The following MACROD2 variants were observed in gnomAD, a reference collection of about 807,000 sequenced individuals.
MACROD2 encodes the protein ADP-ribose glycohydrolase MACROD2.
Under a neutral mutation model 70.4 loss-of-function variants are expected in MACROD2, and 36 were observed. That is an observed-to-expected ratio of 0.51 (90% CI 0.39 to 0.68). The LOEUF (loss-of-function observed/expected upper bound fraction) is 0.68, where lower values mean the gene tolerates loss of function less well. Ranked by LOEUF, MACROD2 falls within the 30% of genes least tolerant of loss-of-function variation. The probability of loss-of-function intolerance (pLI) is 0.00; values close to 1 mark genes in which losing one functional copy is unlikely to be tolerated. For missense variants in MACROD2, 496 were observed against 538.4 expected (o/e 0.92, Z 0.78); for synonymous variants, 172 against 178.8 (o/e 0.96, Z 0.30).
intron 2 of MACROD2, among the ~76,000 whole-genome samples, chr20:14,057,531 AC>A (rs778371541): frequency 1.9e-3 from 290 of 152,344 alleles, no homozygotes; most frequent in Middle Eastern, 0.014. Flanking sequence ...GATCGACAGT[AC>A]CAAGTATTAG....
intron 8 of MACROD2, among the ~76,000 whole-genome samples, chr20:15,596,315 G>T (rs114713282): frequency 6.6e-6 from 1 of 152,078 alleles, no homozygotes; most frequent in Non-Finnish European, 1.5e-5. Flanking sequence ...GCCTTCTTAT[G>T]GTGGGTGTTG....
At chr20:15,353,488 C>A (rs1242763762) in intron 6 of MACROD2, among the ~76,000 whole-genome samples, 1 of 151,898 alleles carries the variant, frequency 6.6e-6, no homozygotes, top group African/African-American at 2.4e-5. Flanking sequence ...GCAACAAAAG[C>A]CAAAATTGAC....
intron 5 of MACROD2, among the ~76,000 whole-genome samples, chr20:14,903,424 C>G (rs2073921772): frequency 6.6e-6 from 1 of 152,142 alleles, no homozygotes; most frequent in Non-Finnish European, 1.5e-5. Flanking sequence ...CCTAACATGA[C>G]AGTTAACCTT....
chr20:14,063,822 G>T (rs1041942966), intron 2 of MACROD2, among the ~76,000 whole-genome samples: 4 of 152,082 alleles, frequency 2.6e-5, no homozygotes, highest in Admixed American at 2.6e-4. Context: ...TGACCTCCCA[G>T]GCTCAGGTGA....
At chr20:14,388,479 T>A (rs546160588) in intron 3 of MACROD2, among the ~76,000 whole-genome samples, 2 of 152,346 alleles carry the variant, frequency 1.3e-5, no homozygotes, top group South Asian at 4.1e-4. Context: ...ACTGATACTG[T>A]AAACAGTTGA....
chr20:15,837,239 T>C (rs928796603), intron 8 of MACROD2, among the ~76,000 whole-genome samples: 39 of 152,336 alleles, frequency 2.6e-4, no homozygotes, highest in African/African-American at 8.9e-4. Context: ...AAATGCCTTT[T>C]CAAAAGTATA....
intron 5 of MACROD2, chr20:14,906,158 T>C (rs779102966): frequency 1.3e-5 from 2 of 152,180 alleles, no homozygotes; most frequent in African/African-American, 2.4e-5. Flanking sequence ...AATTTTCTTC[T>C]TTTACTTGTT....
intron 3 of MACROD2, among the ~76,000 whole-genome samples, chr20:14,449,380 C>G (rs1165447848): frequency 6.6e-6 from 1 of 152,028 alleles, no homozygotes; most frequent in Non-Finnish European, 1.5e-5. Context: ...TGCTTGGCAC[C>G]ACAGGATTTG....
In MACROD2 at chr20:13,995,954, T is replaced by G. The variant is rs948843831; in HGVS notation, c.46+145T>G. ...GTGCCGCCTCCCTCCGGTGTCCGTG[T>G]GTACACACGCGCACACTCGCGCGCA... On this transcript the variant is annotated intron_variant, in intron 1 of 17. Transcript: ENST00000684519. This position sits in a 1 kb window ranked among gnomAD's most constrained non-coding sequence, Gnocchi z 4.3. The G allele has an allele frequency of 2.1e-6, 2 of 932,894 alleles. No individual in the cohort carries two copies. The highest frequency in any genetic ancestry group is 3.4e-5 in the African/African-American group (2 of 59,630). 57.8% of individuals were successfully genotyped at this position (932,894 alleles called of 1,614,324 possible). A position where few individuals can be genotyped will look rare whatever the true frequency, so the allele number is the denominator to read the frequency against.
intron 3 of MACROD2, among the ~76,000 whole-genome samples, chr20:14,464,357 A>T (rs932851890): frequency 5.9e-5 from 9 of 151,938 alleles, no homozygotes; most frequent in African/African-American, 2.2e-4. Flanking sequence ...TGTAGTTTGT[A>T]TTTCTGTGGG....
At chr20:14,366,351 G>C (rs1463386553) in intron 3 of MACROD2, among the ~76,000 whole-genome samples, 1 of 145,382 alleles carries the variant, frequency 6.9e-6, no homozygotes, top group Non-Finnish European at 1.5e-5. Context: ...TATATATAGT[G>C]TCCTTTTTGT....
chr20:14,326,616 TATATTGTCC>T lies in MACROD2; in HGVS notation c.272-166861_272-166853del. On this transcript the variant is annotated intron_variant, in intron 3 of 17. Transcript: ENST00000684519. The surrounding 1 kb of genome is among the most constrained non-coding windows in gnomAD (Gnocchi z 5.5). ...GATTGTTGCGAAGAATCAGTTGTGT[TATATTGTCC>T]AAATCATCAAAGATACCCTGAGGTA... 1 of 1,613,900 alleles carries T rather than the reference TATATTGTCC, an allele frequency of 6.2e-7. No homozygotes were observed. Among genetic ancestry groups the T allele is most frequent in the Non-Finnish European group, 8.5e-7 (1 of 1,179,836 alleles).
chr20:15,317,489 CT>C (rs1163325005), intron 6 of MACROD2, among the ~76,000 whole-genome samples: 1 of 130,976 alleles, frequency 7.6e-6, no homozygotes, highest in Non-Finnish European at 1.7e-5. Context: ...TCTAATCTAT[CT>C]ATCTATCTAT....
chr20:16,032,725 A>G (rs1601353405), intron 15 of MACROD2, among the ~76,000 whole-genome samples: 1 of 133,752 alleles, frequency 7.5e-6, no homozygotes, highest in African/African-American at 3.2e-5. Flanking sequence ...AGGTGGAGGA[A>G]GAAGGAGAGA....
chr20:14,976,922 C>A (rs776297851), intron 5 of MACROD2, among the ~76,000 whole-genome samples: 10 of 149,440 alleles, frequency 6.7e-5, no homozygotes, highest in Non-Finnish European at 1.0e-4. Context: ...ATTATTCCTG[C>A]AATTATTTTA....
At chr20:15,029,141 G>A (rs1019237518) in intron 5 of MACROD2, among the ~76,000 whole-genome samples, 4 of 152,186 alleles carry the variant, frequency 2.6e-5, no homozygotes, top group Non-Finnish European at 4.4e-5. Flanking sequence ...CCAGAATTCC[G>A]GAAGGCTTTC....
intron 3 of MACROD2, among the ~76,000 whole-genome samples, chr20:14,368,340 C>G (rs1333848656): frequency 6.6e-6 from 1 of 152,060 alleles, no homozygotes; most frequent in Non-Finnish European, 1.5e-5. Context: ...ATCATGAGGT[C>G]AGGAGATCGA....
chr20:14,812,701 C>G, intron 5 of MACROD2, among the ~76,000 whole-genome samples: 1 of 152,048 alleles, frequency 6.6e-6, no homozygotes, highest in East Asian at 1.9e-4. Context: ...TTTCTCCGCT[C>G]AAACATCACT....
chr20:14,219,287 C>T (rs370137642), intron 3 of MACROD2, among the ~76,000 whole-genome samples: 5 of 152,036 alleles, frequency 3.3e-5, no homozygotes, highest in Non-Finnish European at 5.9e-5. Context: ...ACCTAGTCTT[C>T]GAGCTCTGAA....
Sources: allele counts gnomAD v4.1 joint callset (sites outside exome capture counted in the v4.1 genomes callset), GRCh38; gene constraint gnomAD v4.1.1; non-coding constraint Gnocchi (gnomAD v3.1); transcripts MANE v1.5; gene names NCBI Gene and HGNC (gene_info 2026-07-23, HGNC 2026-07-21).